The following TNNI3K variants were observed in gnomAD, a reference collection of about 807,000 sequenced individuals.
TNNI3K encodes TNNI3 interacting kinase, also known as serine/threonine-protein kinase TNNI3K.
Under a neutral mutation model 114.5 loss-of-function variants are expected in TNNI3K, and 140 were observed. The observed-to-expected ratio is 1.22, with a 90% CI of 1.07 to 1.41. The LOEUF is 1.41. TNNI3K is among the 40% of genes most tolerant of loss of function. The probability of loss-of-function intolerance (pLI) is 0.00; values close to 1 mark genes in which losing one functional copy is unlikely to be tolerated. For synonymous variants in TNNI3K, 347 were observed against 347.5 expected (o/e 1.00, Z 0.02); for missense variants, 1,125 against 1,007.6 (o/e 1.12, Z -1.58).
intron 9 of TNNI3K, among the ~76,000 whole-genome samples, chr1:74,348,626 A>C (rs1393681408): frequency 1.3e-5 from 2 of 152,174 alleles, no homozygotes; most frequent in African/African-American, 4.8e-5. Flanking sequence ...CTTCCTACCC[A>C]TGAGCATGGA....
intron 23 of TNNI3K, among the ~76,000 whole-genome samples, chr1:74,494,878 T>C (rs1286979718): frequency 1.3e-5 from 2 of 151,992 alleles, no homozygotes; most frequent in Non-Finnish European, 2.9e-5. Flanking sequence ...AGAATATAGG[T>C]CCAAAAATGT....
Position 74,271,638 on chromosome 1 carries a change from C to G in TNNI3K, c.374C>G (p.Ala125Gly). 1.2e-6 allele frequency: 2 copies of G among 1,609,094 alleles called. No homozygotes were observed. Among genetic ancestry groups the G allele is most frequent in the African/African-American group, 1.3e-5 (1 of 74,740 alleles). The change falls in exon 5 of 25, where the codon GCT (alanine) becomes GGT (glycine). Residue 125 changes from alanine (A) to glycine (G), a missense_variant. Coordinates refer to ENST00000326637, the MANE Select transcript of TNNI3K (RefSeq NM_015978.3). Reference sequence around the variant, plus strand: ...ATCACTTCTCTGCTTCACAGTGGAGCTGATATACAGCAGGTTGGATACGGT... The same window carrying G: ...ATCACTTCTCTGCTTCACAGTGGAGGTGATATACAGCAGGTTGGATACGGT... ...ELITSLLHSG[A>G]DIQQVGYGGL...
chr1:74,308,404 T>G (rs1658780281), intron 5 of TNNI3K, among the ~76,000 whole-genome samples: 1 of 152,154 alleles, frequency 6.6e-6, no homozygotes, highest in South Asian at 2.1e-4. Context: ...AACTTACTCC[T>G]GAATGACTTT....
chr1:74,361,074 A>T (rs1333008363), intron 11 of TNNI3K, among the ~76,000 whole-genome samples: 1 of 152,098 alleles, frequency 6.6e-6, no homozygotes, highest in Non-Finnish European at 1.5e-5. Context: ...ACTAACTGTC[A>T]CTTTTCTGTT....
chr1:74,542,576 T>C (rs561939927), intron 24 of TNNI3K, among the ~76,000 whole-genome samples: 35 of 152,316 alleles, frequency 2.3e-4, no homozygotes, highest in African/African-American at 6.0e-4. Flanking sequence ...GGAGTATCAC[T>C]ATCAGTGGCA....
intron 21 of TNNI3K, chr1:74,469,624 C>A: frequency 3.3e-6 from 1 of 301,820 alleles, no homozygotes; most frequent in Non-Finnish European, 6.0e-6. Flanking sequence ...CTTGGCAAAA[C>A]TTTTCTTACT....
intron 23 of TNNI3K, among the ~76,000 whole-genome samples, chr1:74,508,284 AG>A (rs1352023888): frequency 2.0e-5 from 3 of 152,264 alleles, no homozygotes; most frequent in African/African-American, 7.2e-5. Flanking sequence ...TAATAAAAAT[AG>A]TAATAATAAT....
chr1:74,364,135 G>C (rs892328678), intron 11 of TNNI3K, among the ~76,000 whole-genome samples: 2 of 150,644 alleles, frequency 1.3e-5, no homozygotes, highest in African/African-American at 2.5e-5. Flanking sequence ...CAGTAGCTGG[G>C]ACTACAGGCA....
chr1:74,375,130 A>G (rs996384475), intron 17 of TNNI3K: 5 of 155,814 alleles, frequency 3.2e-5, no homozygotes, highest in African/African-American at 1.2e-4. Context: ...TAAACTGTGA[A>G]GCACCATACA....
At chr1:74,427,621 A>C (rs1665700384) in intron 17 of TNNI3K, among the ~76,000 whole-genome samples, 2 of 152,094 alleles carry the variant, frequency 1.3e-5, no homozygotes, top group African/African-American at 4.8e-5. Flanking sequence ...AAATTTAAAA[A>C]AACAAATTAT....
intron 17 of TNNI3K, chr1:74,373,466 G>A (rs1056601677): frequency 6.6e-6 from 1 of 151,862 alleles, no homozygotes; most frequent in Non-Finnish European, 1.5e-5. Flanking sequence ...GTATTGACAT[G>A]GTGTGTTTAT....
intron 17 of TNNI3K, among the ~76,000 whole-genome samples, chr1:74,393,944 T>C (rs1349226541): frequency 6.6e-6 from 1 of 152,220 alleles, no homozygotes; most frequent in Non-Finnish European, 1.5e-5. Flanking sequence ...AATACTGACC[T>C]GCTTGCCACT....
intron 17 of TNNI3K, chr1:74,375,611 G>A (rs1662867272): frequency 2.2e-6 from 1 of 454,856 alleles, no homozygotes; most frequent in South Asian, 1.6e-5. Context: ...CTGATAAACT[G>A]GGTCATCTGG....
intron 17 of TNNI3K, among the ~76,000 whole-genome samples, chr1:74,435,242 T>C (rs116728613): frequency 0.012 from 1,836 of 152,168 alleles, 39 homozygotes; most frequent in African/African-American, 0.041. Context: ...CTTTGGACTA[T>C]CTCAGCTTTG....
chr1:74,501,634 G>T (rs551628698), intron 23 of TNNI3K, among the ~76,000 whole-genome samples: 1 of 151,950 alleles, frequency 6.6e-6, no homozygotes, highest in African/African-American at 2.4e-5. Context: ...TTACAGGCAC[G>T]CACTACCACG....
intron 5 of TNNI3K, among the ~76,000 whole-genome samples, chr1:74,326,216 G>T (rs546685492): frequency 6.6e-6 from 1 of 152,230 alleles, no homozygotes; most frequent in South Asian, 2.1e-4. Flanking sequence ...ATTTGGTTTG[G>T]CAATTTCAAC....
At chr1:74,283,031 C>G (rs1010238336) in intron 5 of TNNI3K, among the ~76,000 whole-genome samples, 1 of 152,168 alleles carries the variant, frequency 6.6e-6, no homozygotes, top group East Asian at 1.9e-4. Context: ...TTGTCATTAA[C>G]TTTATAGGTT....
In TNNI3K at chr1:74,489,227, A is replaced by G. The variant is rs1312611492; in HGVS notation, c.2160A>G (p.Glu720=). The G allele has an allele frequency of 7.4e-6, 12 of 1,612,472 alleles. No individual in the cohort carries two copies. Among genetic ancestry groups the G allele is most frequent in the Non-Finnish European group, 1.0e-5 (12 of 1,179,300 alleles). ...TTTCTGAAGTTGTCATGAAGTTAGA[A>G]GAGTGTCTCTGCAACATTGAGGTAA... ...PEFSEVVMKL[E]ECLCNIELMS... Residue 720 remains glutamate, a synonymous_variant, in exon 22 of 25, where the codon GAA becomes GAG. Coordinates refer to ENST00000326637, the MANE Select transcript of TNNI3K (RefSeq NM_015978.3).
chr1:74,290,723 T>C (rs1657627476), intron 5 of TNNI3K, among the ~76,000 whole-genome samples: 1 of 151,768 alleles, frequency 6.6e-6, no homozygotes, highest in Admixed American at 6.6e-5. Context: ...TAGTTTTTCT[T>C]ATTACTAGAA....
Sources: allele counts gnomAD v4.1 joint callset (sites outside exome capture counted in the v4.1 genomes callset), GRCh38; gene constraint gnomAD v4.1.1; transcripts MANE v1.5; gene names NCBI Gene and HGNC (gene_info 2026-07-23, HGNC 2026-07-21).